CABIN1: variants seen among roughly 807,000 people sequenced by gnomAD.
The protein encoded by CABIN1 is calcineurin-binding protein cabin-1.
In CABIN1, 133 loss-of-function variants were observed where a neutral mutation model predicts 227.7. The observed-to-expected ratio is 0.58, with a 90% CI of 0.51 to 0.67. CABIN1 has a LOEUF of 0.67. CABIN1 is among the 30% of genes least tolerant of loss of function. CABIN1 has a pLI of 0.00. For synonymous variants in CABIN1, 1,086 were observed against 1,155.1 expected, an observed-to-expected ratio of 0.94 and a Z score of 1.21; for missense variants, 2,408 against 2,852.5, an observed-to-expected ratio of 0.84 and a Z score of 3.55.
intron 20 of CABIN1, 35 bp downstream of exon 20, chr22:24,083,424 A>G: frequency 6.2e-7 from 1 of 1,612,256 alleles, no homozygotes; most frequent in Non-Finnish European, 8.5e-7. Context: ...CAAAGAGGGA[A>G]GCAGGAGCTG....
intron 20 of CABIN1, 94 bp downstream of exon 20, chr22:24,083,483 C>A: frequency 1.4e-6 from 2 of 1,407,296 alleles, no homozygotes; most frequent in South Asian, 2.4e-5. Flanking sequence ...TCTTGGCAGT[C>A]CTGCTTGGAG....
At chr22:24,098,668 G>C (rs950485125) in intron 26 of CABIN1, among the ~76,000 whole-genome samples, 10 of 152,168 alleles carry the variant, frequency 6.6e-5, no homozygotes, top group Non-Finnish European at 1.2e-4. Flanking sequence ...ATCCAGATAA[G>C]TTGTTAATGG....
At chr22:24,156,395 G>T (rs2045814268) in intron 29 of CABIN1, 1 of 276,726 alleles carries the variant, frequency 3.6e-6, no homozygotes, top group East Asian at 6.3e-5. Context: ...GGGCGGCGGC[G>T]CGCGGGGGCG....
chr22:24,099,285 T>A (rs910088548), intron 26 of CABIN1, among the ~76,000 whole-genome samples: 5 of 152,096 alleles, frequency 3.3e-5, no homozygotes, highest in African/African-American at 1.2e-4. Flanking sequence ...TGGAGAAGGA[T>A]GACAAGGGGG....
chr22:24,172,110 G>A (rs915009238), intron 34 of CABIN1, 115 bp downstream of exon 34: 8 of 1,296,646 alleles, frequency 6.2e-6, no homozygotes, highest in East Asian at 2.5e-5. Flanking sequence ...CCGCCCAGTC[G>A]ATCCCACAGG....
intron 1 of CABIN1, among the ~76,000 whole-genome samples, chr22:24,017,253 G>T (rs192199708): frequency 2.1e-4 from 32 of 151,806 alleles, no homozygotes; most frequent in Admixed American, 6.6e-4. Flanking sequence ...TAGCCAGGAT[G>T]GTCTCCATCT....
intron 28 of CABIN1, among the ~76,000 whole-genome samples, chr22:24,127,284 CG>C (rs993015044): frequency 2.0e-4 from 30 of 152,292 alleles, no homozygotes; most frequent in African/African-American, 7.0e-4. Flanking sequence ...CGGTGCCTGT[CG>C]GGGCTGGCCA....
At chr22:24,074,873 C>T (rs1372142015) in intron 18 of CABIN1, among the ~76,000 whole-genome samples, 1 of 152,142 alleles carries the variant, frequency 6.6e-6, no homozygotes, top group African/African-American at 2.4e-5. Context: ...ATGAATATGA[C>T]AAATTGGAAC....
chr22:24,065,245 C>G (rs1275266071), intron 15 of CABIN1, among the ~76,000 whole-genome samples: 1 of 151,956 alleles, frequency 6.6e-6, no homozygotes, highest in Admixed American at 6.5e-5. Context: ...CCTCACTTCT[C>G]AGACGGGGCG....
Position 24,177,725 on chromosome 22 carries a change from A to G in CABIN1, c.6427A>G (p.Lys2143Glu). The G allele has an allele frequency of 6.2e-7, 1 of 1,612,262 alleles. No homozygotes were observed. Among genetic ancestry groups the G allele is most frequent in the Non-Finnish European group, 8.5e-7 (1 of 1,178,932 alleles). The change falls in exon 36 of 37, where the codon AAG becomes GAG. Residue 2143 changes from lysine to glutamate, a missense_variant. Around this residue, in one of 3 missense-constraint regions of CABIN1, gnomAD observed 714 missense variants for 773.8 expected, o/e 0.92. Transcript: ENST00000263119. This position sits in a 1 kb window ranked among gnomAD's most constrained non-coding sequence, Gnocchi z 4.4. ...PKLVIPSAAT[K>E]FPPEITVTPP... ...GCTGGTCATCCCCTCCGCCGCCACC[A>G]AGTTCCCCCCTGAGATCACCGTCAC... is the stretch of plus-strand genomic sequence containing the variant.
intron 6 of CABIN1, 71 bp from the exon 7 acceptor site, chr22:24,049,020 G>A: frequency 6.3e-7 from 1 of 1,579,730 alleles, no homozygotes; most frequent in Non-Finnish European, 8.7e-7. Flanking sequence ...GGATTTTCCT[G>A]ATGTTAACTG....
At chr22:24,158,956 G>A (rs1285209450) in intron 29 of CABIN1, among the ~76,000 whole-genome samples, 1 of 152,198 alleles carries the variant, frequency 6.6e-6, no homozygotes, top group Non-Finnish European at 1.5e-5. Flanking sequence ...AGGGCAAAGG[G>A]ATGTGGAGGC....
intron 34 of CABIN1, among the ~76,000 whole-genome samples, chr22:24,174,883 CTG>C (rs1348180684): frequency 1.3e-5 from 2 of 152,148 alleles, no homozygotes; most frequent in Admixed American, 6.5e-5. Flanking sequence ...ACTGAGATCT[CTG>C]TAGGCCACAC....
At chr22:24,082,373 A>G (rs1002874734) in intron 19 of CABIN1, among the ~76,000 whole-genome samples, 6 of 152,322 alleles carry the variant, frequency 3.9e-5, no homozygotes, top group Admixed American at 3.9e-4. Flanking sequence ...TACAGGCATG[A>G]ACTGCTGCAT....
Position 24,061,953 on chromosome 22 carries a change from A to T in CABIN1, c.1624A>T (p.Met542Leu), listed in dbSNP as rs1192667246. Reference sequence around the variant, plus strand: ...TCCTGTGTCTGTCCTGCAGGACATGATGCTGATGTCTCTCTCCTGCATGGA... The same window carrying T: ...TCCTGTGTCTGTCCTGCAGGACATGTTGCTGATGTCTCTCTCCTGCATGGA... ...DCSNKHIKDMMLMSLSCMELQ... is the reference protein window; with the variant it reads ...DCSNKHIKDMLLMSLSCMELQ... Residue 542 changes from methionine to leucine, a missense_variant, in exon 13 of 37, where the codon ATG (methionine) becomes TTG (leucine). By Grantham distance (15) the Met-to-Leu change is conservative. Transcript: ENST00000263119. The T allele has an allele frequency of 6.2e-7, 1 of 1,613,478 alleles. No homozygotes were observed. The highest frequency in any genetic ancestry group is 1.7e-5 in the Admixed American group (1 of 60,024).
chr22:24,137,041 A>G (rs984156131), intron 29 of CABIN1, among the ~76,000 whole-genome samples: 3 of 152,170 alleles, frequency 2.0e-5, no homozygotes, highest in Admixed American at 1.3e-4. Context: ...GTGGGCTTCT[A>G]TTACCTGGCT....
intron 2 of CABIN1, 66 bp from the exon 3 acceptor site, chr22:24,036,023 G>A (rs2036856101): frequency 1.0e-6 from 1 of 993,628 alleles, no homozygotes; most frequent in Non-Finnish European, 1.6e-6. Flanking sequence ...ATTCATCTGT[G>A]GGTATTTGAA....
At chr22:24,069,630 C>G (rs556108622) in intron 16 of CABIN1, among the ~76,000 whole-genome samples, 1 of 152,326 alleles carries the variant, frequency 6.6e-6, no homozygotes, top group African/African-American at 2.4e-5. Flanking sequence ...GGCATCAGCT[C>G]AGGCTTTGGA....
At chr22:24,146,486 C>T (rs1013180196) in intron 29 of CABIN1, among the ~76,000 whole-genome samples, 1 of 152,118 alleles carries the variant, frequency 6.6e-6, no homozygotes, top group Admixed American at 6.5e-5. Flanking sequence ...GCCTGAGAGG[C>T]AGCAGGTGGA....
Sources: gnomAD v4.1 joint callset for allele counts (sites outside exome capture counted in the v4.1 genomes callset) on GRCh38, gnomAD v4.1.1 for gene constraint, gnomAD v4.1.1 regional missense constraint, Gnocchi (gnomAD v3.1) non-coding constraint, MANE v1.5 for transcripts, NCBI Gene and HGNC (gene_info 2026-07-23, HGNC 2026-07-21) for gene names.